TSHZ2: variants seen among roughly 807,000 people sequenced by gnomAD.
TSHZ2 encodes teashirt homolog 2.
A neutral mutation model predicts 74.4 loss-of-function variants in TSHZ2; 21 were observed. That is an observed-to-expected ratio of 0.28 (90% CI 0.20 to 0.41). TSHZ2 has a LOEUF of 0.41. Among genes scored for constraint, TSHZ2 ranks in the 10% least tolerant of loss-of-function variants. The pLI, the probability that TSHZ2 is intolerant of heterozygous loss-of-function variation, is 1.00. For synonymous variants in TSHZ2, 540 were observed against 515.3 expected, an observed-to-expected ratio of 1.05 and a Z score of -0.65; for missense variants, 1,244 against 1,293.5, an observed-to-expected ratio of 0.96 and a Z score of 0.59.
chr20:53,278,799 A>C (rs1990995149), intron 2 of TSHZ2, among the ~76,000 whole-genome samples: 1 of 152,176 alleles, frequency 6.6e-6, no homozygotes, highest in Non-Finnish European at 1.5e-5. Flanking sequence ...TATTTTCAGC[A>C]TTGTGGGCCA....
intron 1 of TSHZ2, among the ~76,000 whole-genome samples, chr20:53,033,617 GT>G (rs1983716787): frequency 1.1e-5 from 1 of 89,612 alleles, no homozygotes. Context: ...CCAGGAATTT[GT>G]TTTAGTCGCC....
chr20:53,038,128 GTCGCAGTGAGCTGAGA>G (rs1983888505), intron 1 of TSHZ2, among the ~76,000 whole-genome samples: 1 of 140,798 alleles, frequency 7.1e-6, no homozygotes, highest in African/African-American at 2.7e-5. Flanking sequence ...GGAGGCGGAG[GTCGCAGTGAGCTGAGA>G]TCGCACCACT....
At chr20:53,366,794 A>C (rs1981278467) in intron 2 of TSHZ2, among the ~76,000 whole-genome samples, 1 of 152,206 alleles carries the variant, frequency 6.6e-6, no homozygotes, top group Admixed American at 6.5e-5. Flanking sequence ...AAAGTAACAG[A>C]ACCACATGTC....
chr20:53,472,444 C>T (rs1208411831), intron 2 of TSHZ2, among the ~76,000 whole-genome samples: 1 of 152,094 alleles, frequency 6.6e-6, no homozygotes, highest in East Asian at 1.9e-4. Flanking sequence ...AAGAGGAATA[C>T]AGAGGGGTAC....
At chr20:53,035,640 ATATGTCGCTC>A (rs1212565670) in intron 1 of TSHZ2, among the ~76,000 whole-genome samples, 1 of 152,224 alleles carries the variant, frequency 6.6e-6, no homozygotes, top group Non-Finnish European at 1.5e-5. Context: ...AATTTGCCAT[ATATGTCGCTC>A]CAAGCTGGAT....
At chr20:53,442,907 G>T (rs1984393131) in intron 2 of TSHZ2, among the ~76,000 whole-genome samples, 1 of 152,180 alleles carries the variant, frequency 6.6e-6, no homozygotes, top group Non-Finnish European at 1.5e-5. Flanking sequence ...AACCGTTTTT[G>T]AAGTAAAAAC....
intron 1 of TSHZ2, among the ~76,000 whole-genome samples, chr20:53,160,633 G>A (rs1231916908): frequency 5.9e-5 from 9 of 151,644 alleles, no homozygotes; most frequent in African/African-American, 2.2e-4. Context: ...ACTTGGCATG[G>A]TGGTGCACAC....
chr20:53,159,849 C>T (rs1454424533), intron 1 of TSHZ2, among the ~76,000 whole-genome samples: 1 of 152,212 alleles, frequency 6.6e-6, no homozygotes, highest in African/African-American at 2.4e-5. Flanking sequence ...ATAGCAACAG[C>T]ATGTTCCATG....
intron 2 of TSHZ2, among the ~76,000 whole-genome samples, chr20:53,420,607 T>C (rs994570166): frequency 6.6e-6 from 1 of 151,908 alleles, no homozygotes; most frequent in African/African-American, 2.4e-5. Context: ...GCGCCTGTAG[T>C]CCCAGCTACT....
chr20:53,086,339 T>C (rs144589793), intron 1 of TSHZ2, among the ~76,000 whole-genome samples: 17 of 152,118 alleles, frequency 1.1e-4, no homozygotes, highest in African/African-American at 4.1e-4. Context: ...AGACTTTCCT[T>C]CTCTCAAGAT....
chr20:53,294,738 G>T (rs182981160), intron 2 of TSHZ2, among the ~76,000 whole-genome samples: 15 of 152,258 alleles, frequency 9.9e-5, no homozygotes, highest in African/African-American at 3.6e-4. Flanking sequence ...AGAGTCTTTG[G>T]GTTTAAGTCT....
At chr20:53,155,494 T>A (rs908628973) in intron 1 of TSHZ2, among the ~76,000 whole-genome samples, 1 of 151,706 alleles carries the variant, frequency 6.6e-6, no homozygotes, top group African/African-American at 2.4e-5. Flanking sequence ...GGACAGAGGA[T>A]CTCATTGAGG....
intron 1 of TSHZ2, among the ~76,000 whole-genome samples, chr20:53,106,010 T>C (rs1986353124): frequency 6.6e-6 from 1 of 152,232 alleles, no homozygotes; most frequent in East Asian, 1.9e-4. Context: ...ATGTGACGCT[T>C]TGATACATGT....
chr20:53,201,479 C>G (rs1359652722), intron 1 of TSHZ2, among the ~76,000 whole-genome samples: 1 of 152,174 alleles, frequency 6.6e-6, no homozygotes, highest in Non-Finnish European at 1.5e-5. Context: ...GATTCTCCCA[C>G]CTCCCTCTCA....
chr20:53,204,905 C>T (rs981926356), intron 1 of TSHZ2, among the ~76,000 whole-genome samples: 1 of 151,732 alleles, frequency 6.6e-6, no homozygotes, highest in African/African-American at 2.4e-5. Flanking sequence ...CATGCTGAAA[C>T]CCTGTCTCTA....
At chr20:53,036,496 CAT>C (rs1166110483) in intron 1 of TSHZ2, among the ~76,000 whole-genome samples, 4 of 150,916 alleles carry the variant, frequency 2.7e-5, no homozygotes, top group South Asian at 2.1e-4. Context: ...TACATACACA[CAT>C]ATATAAACAC....
intron 2 of TSHZ2, among the ~76,000 whole-genome samples, chr20:53,356,781 T>C (rs1980862285): frequency 6.6e-6 from 1 of 152,126 alleles, no homozygotes; most frequent in Non-Finnish European, 1.5e-5. Flanking sequence ...AGCTAGATAA[T>C]GAAGTAGACT....
Position 53,488,606 on chromosome 20 carries a change from C to G in TSHZ2, c.*1471C>G, listed in dbSNP as rs149176756. 1 of 180,206 alleles carries G rather than the reference C, an allele frequency of 5.5e-6. No homozygotes were observed. The highest frequency in any genetic ancestry group is 1.6e-4 in the East Asian group (1 of 6,332). The allele number at this position is 180,206 out of a possible 1,614,324, so 11.2% of individuals were successfully genotyped here. A position where few individuals can be genotyped will look rare whatever the true frequency, so the allele number is the denominator to read the frequency against. Reference sequence around the variant, plus strand: ...CTGGATTATGTGGTAAATTGCTACTCAGCTATGGTGAAATATTTATACTAT... The same window carrying G: ...CTGGATTATGTGGTAAATTGCTACTGAGCTATGGTGAAATATTTATACTAT... On this transcript the variant is annotated 3_prime_UTR_variant, in exon 3 of 3. Coordinates refer to ENST00000371497, the MANE Select transcript of TSHZ2 (RefSeq NM_173485.6).
intron 2 of TSHZ2, among the ~76,000 whole-genome samples, chr20:53,327,714 G>A (rs1979552709): frequency 6.6e-6 from 1 of 152,220 alleles, no homozygotes; most frequent in African/African-American, 2.4e-5. Flanking sequence ...GAAAGTCCTT[G>A]TTTGCAAGAG....
Sources: gnomAD v4.1 joint callset for allele counts (sites outside exome capture counted in the v4.1 genomes callset) on GRCh38, gnomAD v4.1.1 for gene constraint, MANE v1.5 for transcripts, NCBI Gene and HGNC (gene_info 2026-07-23, HGNC 2026-07-21) for gene names.